FER1L6: variants seen among roughly 807,000 people sequenced by gnomAD.
FER1L6 encodes the protein fer-1 like family member 6.
In FER1L6, 177 loss-of-function variants were observed where a neutral mutation model predicts 219.2. The ratio of observed to expected loss-of-function variants is 0.81; its 90% CI spans 0.71 to 0.91. The LOEUF (loss-of-function observed/expected upper bound fraction) is 0.91. Ranked by LOEUF, FER1L6 falls within the 40% of genes least tolerant of loss-of-function variation. The probability of loss-of-function intolerance (pLI) is 0.00; values close to 1 mark genes in which losing one functional copy is unlikely to be tolerated. For missense variants in FER1L6, 2,153 were observed against 2,259.9 expected, an observed-to-expected ratio of 0.95 and a Z score of 0.96; for synonymous variants, 768 against 824.3, an observed-to-expected ratio of 0.93 and a Z score of 1.17.
At chr8:123,917,096 G>C (rs1299933635) in intron 1 of FER1L6, among the ~76,000 whole-genome samples, 2 of 152,178 alleles carry the variant, frequency 1.3e-5, no homozygotes, top group Non-Finnish European at 1.5e-5. Context: ...TAGGCACAAT[G>C]CTTCACCTCT....
At chr8:124,019,199 C>T (rs970630424) in intron 16 of FER1L6, among the ~76,000 whole-genome samples, 9 of 152,294 alleles carry the variant, frequency 5.9e-5, no homozygotes, top group African/African-American at 2.2e-4. Context: ...CAACCTTATC[C>T]GTCTTTAGTT....
At chr8:123,980,878 C>T in intron 11 of FER1L6, 67 bp downstream of exon 11, 1 of 1,330,750 alleles carries the variant, frequency 7.5e-7, no homozygotes, top group Non-Finnish European at 1.0e-6. Context: ...CTGCCCCTGC[C>T]ACAGGTTCCT....
At chr8:123,946,412 C>T (rs932181660) in intron 1 of FER1L6, among the ~76,000 whole-genome samples, 8 of 152,052 alleles carry the variant, frequency 5.3e-5, no homozygotes, top group African/African-American at 1.4e-4. Context: ...CCACCACACC[C>T]AGCTAATTTT....
intron 39 of FER1L6, among the ~76,000 whole-genome samples, chr8:124,113,115 G>T (rs956864918): frequency 6.6e-6 from 1 of 151,728 alleles, no homozygotes; most frequent in Admixed American, 6.6e-5. Flanking sequence ...CATTATACTA[G>T]CAATATTATT....
intron 1 of FER1L6, among the ~76,000 whole-genome samples, chr8:123,891,123 C>T (rs527604619): frequency 2.6e-5 from 4 of 152,226 alleles, no homozygotes; most frequent in African/African-American, 4.8e-5. Flanking sequence ...GACTTTCTAG[C>T]GAACTTTGAT....
At chr8:124,061,321 C>G (rs10094266) in intron 24 of FER1L6, among the ~76,000 whole-genome samples, 124,910 of 152,116 alleles carry the variant, frequency 0.82, 51,423 homozygotes, top group Non-Finnish European at 0.86. Flanking sequence ...ATTGCTTTGC[C>G]CAACCCAGCC....
intron 1 of FER1L6, among the ~76,000 whole-genome samples, chr8:123,933,531 G>A (rs979778921): frequency 1.3e-5 from 2 of 152,192 alleles, no homozygotes; most frequent in African/African-American, 4.8e-5. Context: ...GCATATGTGT[G>A]CACACACATG....
At chr8:124,108,483 C>G (rs1211922452) in intron 39 of FER1L6, among the ~76,000 whole-genome samples, 1 of 152,230 alleles carries the variant, frequency 6.6e-6, no homozygotes, top group Admixed American at 6.5e-5. Context: ...CTGTTCCCAT[C>G]TCCTTCTGGG....
chr8:123,955,892 G>A (rs59703590), intron 1 of FER1L6, 100 bp from the exon 2 acceptor site: 25,131 of 1,071,418 alleles, frequency 0.023, 1,392 homozygotes, highest in African/African-American at 0.2. Flanking sequence ...GAGGAGGCTG[G>A]TGGGCTTCAT....
intron 37 of FER1L6, among the ~76,000 whole-genome samples, chr8:124,100,334 G>A (rs1822494756): frequency 6.6e-6 from 1 of 152,170 alleles, no homozygotes; most frequent in African/African-American, 2.4e-5. Context: ...TAAGACGAAA[G>A]AACATGATAG....
At chr8:123,865,852 G>A (rs111948251) in intron 1 of FER1L6, among the ~76,000 whole-genome samples, 10 of 151,480 alleles carry the variant, frequency 6.6e-5, no homozygotes, top group Admixed American at 2.0e-4. Flanking sequence ...CGCACGGTGC[G>A]CGCACCCACT....
chr8:124,062,177 C>T, intron 25 of FER1L6, 145 bp downstream of exon 25: 1 of 781,094 alleles, frequency 1.3e-6, no homozygotes, highest in African/African-American at 1.7e-5. Flanking sequence ...CTGCAGGGGC[C>T]TCTGCTTTCT....
chr8:124,059,761 C>CT (rs2130820286), intron 22 of FER1L6, among the ~76,000 whole-genome samples: 1 of 152,296 alleles, frequency 6.6e-6, no homozygotes, highest in East Asian at 1.9e-4. Context: ...TGCATAATGG[C>CT]TTTTCTGGAG....
chr8:124,100,093 C>A (rs1167514667), intron 37 of FER1L6, among the ~76,000 whole-genome samples: 1 of 152,280 alleles, frequency 6.6e-6, no homozygotes. Context: ...TGGGCCCATA[C>A]CCTGAGTGGT....
Position 124,082,376 on chromosome 8 carries a change from A to T in FER1L6, c.4309A>T (p.Ile1437Phe). ...TGACATGATTGGCACAGATGACCTTATTGGTGAGACCAAGATCGACCTGGA... is the reference window on the plus strand; with the variant it reads ...TGACATGATTGGCACAGATGACCTTTTTGGTGAGACCAAGATCGACCTGGA... ...DHDMIGTDDL[I>F]GETKIDLENR... Residue 1437 changes from isoleucine to phenylalanine, a missense_variant, in exon 33 of 41, where the codon ATT becomes TTT. By Grantham distance (21) the Ile-to-Phe change is conservative (BLOSUM62 0). Transcript: ENST00000522917. 6.2e-7 allele frequency: 1 copy of T among 1,614,106 alleles called. No individual in the cohort carries two copies. Among genetic ancestry groups the T allele is most frequent in the South Asian group, 1.1e-5 (1 of 91,066 alleles).
At chr8:123,882,404 G>A (rs6470199) in intron 1 of FER1L6, among the ~76,000 whole-genome samples, 1 of 151,916 alleles carries the variant, frequency 6.6e-6, no homozygotes, top group African/African-American at 2.4e-5. Context: ...GGGTTAGAAC[G>A]AGATGGAGAT....
intron 12 of FER1L6, among the ~76,000 whole-genome samples, chr8:123,997,387 T>C (rs952402424): frequency 6.6e-6 from 1 of 152,214 alleles, no homozygotes; most frequent in Admixed American, 6.5e-5. Flanking sequence ...TCCTGACAGA[T>C]GTATTGGAGC....
At chr8:124,030,063 T>G (rs1200154402) in intron 18 of FER1L6, among the ~76,000 whole-genome samples, 2 of 152,194 alleles carry the variant, frequency 1.3e-5, no homozygotes, top group Non-Finnish European at 2.9e-5. Flanking sequence ...TTGTCAAAGA[T>G]CAGATGGTTG....
intron 38 of FER1L6, 148 bp from the exon 39 acceptor site, chr8:124,102,998 A>C: frequency 1.3e-6 from 1 of 748,760 alleles, no homozygotes; most frequent in African/African-American, 1.7e-5. Flanking sequence ...TGTACTCCCA[A>C]TACCTAGCAC....
Sources: allele counts gnomAD v4.1 joint callset (sites outside exome capture counted in the v4.1 genomes callset), GRCh38; gene constraint gnomAD v4.1.1; transcripts MANE v1.5; gene names NCBI Gene and HGNC (gene_info 2026-07-23, HGNC 2026-07-21).